MVB12B: variants seen among roughly 807,000 people sequenced by gnomAD.
The protein encoded by MVB12B is multivesicular body subunit 12B, also known as ESCRT-I complex subunit MVB12B.
A neutral mutation model predicts 41.6 loss-of-function variants in MVB12B; 16 were observed. That is an observed-to-expected ratio of 0.38 (90% CI 0.26 to 0.58). The LOEUF (loss-of-function observed/expected upper bound fraction) is 0.58. Ranked by LOEUF, MVB12B falls within the 20% of genes least tolerant of loss-of-function variation. The probability of loss-of-function intolerance (pLI) is 0.62; values close to 1 mark genes in which losing one functional copy is unlikely to be tolerated. For missense variants in MVB12B, 274 were observed against 380.2 expected (o/e 0.72, Z 2.32); for synonymous variants, 133 against 139.7 (o/e 0.95, Z 0.34).
At chr9:126,460,379 C>CAT (rs1296466603) in intron 7 of MVB12B, among the ~76,000 whole-genome samples, 1 of 152,218 alleles carries the variant, frequency 6.6e-6, no homozygotes, top group Non-Finnish European at 1.5e-5. Context: ...GATCTTCCCA[C>CAT]ATTCTTTGAT....
Position 126,392,147 on chromosome 9 carries a change from G to A in MVB12B, c.491G>A (p.Arg164Gln), listed in dbSNP as rs9696000. The change falls in exon 5 of 10, where the codon CGG (arginine) becomes CAG (glutamine). Residue 164 changes from arginine (R) to glutamine (Q), a missense_variant. Physicochemically the swap from Arg to Gln is conservative, Grantham distance 43. Transcript: ENST00000361171. This position sits in a 1 kb window ranked among gnomAD's most constrained non-coding sequence, Gnocchi z 4.8. ...DSTEAAICDI[R>Q]IMGRTKQAPP... ...ACGGAAGCTGCGATTTGTGACATTC[G>A]GATCATGGGCCGGACCAAGCAGGCC... 1.4e-4 allele frequency: 228 copies of A among 1,614,046 alleles called. No homozygotes were observed. Among genetic ancestry groups the A allele is most frequent in the Non-Finnish European group, 1.7e-4 (200 of 1,180,034 alleles).
In MVB12B at chr9:126,380,153, A is replaced by G. The variant is rs150721142; in HGVS notation, c.205-911A>G. The stretch of plus-strand genomic sequence containing the variant: ...GTGTGCAAGGTTGATTCATGCTCTC[A>G]GAGGGAGGCTGAGTCAGAAAACAGA... On this transcript the variant is annotated intron_variant, in intron 2 of 9. Coordinates refer to ENST00000361171, the MANE Select transcript of MVB12B (RefSeq NM_033446.3). 3.3e-3 allele frequency among the ~76,000 whole-genome samples: 500 copies of G among 152,266 alleles called. 3 individuals are homozygous for G. The highest frequency in any genetic ancestry group is 0.011 in the African/African-American group (467 of 41,558).
At chr9:126,453,372 A>T (rs975474204) in intron 7 of MVB12B, among the ~76,000 whole-genome samples, 8 of 152,166 alleles carry the variant, frequency 5.3e-5, no homozygotes, top group African/African-American at 1.9e-4. Context: ...GGAGCAGACC[A>T]GGGCCTGGCT....
intron 9 of MVB12B, among the ~76,000 whole-genome samples, chr9:126,489,876 G>A (rs942354653): frequency 8.5e-5 from 13 of 152,166 alleles, no homozygotes; most frequent in African/African-American, 2.7e-4. Context: ...TGGCAGCCTC[G>A]TGGCCACCGT....
intron 6 of MVB12B, among the ~76,000 whole-genome samples, chr9:126,399,279 ACTT>A (rs1262899333): frequency 3.3e-5 from 5 of 152,156 alleles, no homozygotes; most frequent in Non-Finnish European, 5.9e-5. Flanking sequence ...AAGGGCAGCC[ACTT>A]CTTCTGGGAC....
intron 4 of MVB12B, among the ~76,000 whole-genome samples, chr9:126,387,292 T>G (rs994768454): frequency 6.6e-6 from 1 of 152,212 alleles, no homozygotes; most frequent in Non-Finnish European, 1.5e-5. Flanking sequence ...CTTCCTTGTT[T>G]TGGTGTAATT....
At position 126,503,533 on chromosome 9, in the gene MVB12B, C is replaced by T. The variant is rs1834007165; in HGVS notation, c.*270C>T. 4.0e-6 allele frequency: 2 copies of T among 505,592 alleles called. No individual in the cohort carries two copies. Among genetic ancestry groups the T allele is most frequent in the South Asian group, 5.6e-5 (2 of 35,654 alleles). 31.3% of individuals were successfully genotyped at this position (505,592 alleles called of 1,614,324 possible). On this transcript the variant is annotated 3_prime_UTR_variant, in exon 10 of 10. Transcript: ENST00000361171. ...GGCTCCTAACGTGTCTGTGTGATGA[C>T]CAGTTGTCCTCCAAAAACCTCACTC...
At position 126,381,142 on chromosome 9, in the gene MVB12B, T is replaced by G; in HGVS notation, c.283T>G (p.Cys95Gly). The change falls in exon 3 of 10, where the codon TGT becomes GGT. Residue 95 changes from cysteine to glycine, a missense_variant. Physicochemically the swap from Cys to Gly is radical, Grantham distance 159. Coordinates refer to ENST00000361171, the MANE Select transcript of MVB12B (RefSeq NM_033446.3). Reference protein sequence around the residue: ...LFKSKVTRYLCFTRSFSKENS... With the variant: ...LFKSKVTRYLGFTRSFSKENS... ...TAAATCCAAGGTTACCAGATACCTG[T>G]GTTTCACAAGATCATTTTCCAAAGA... The G allele has an allele frequency of 6.2e-7, 1 of 1,614,028 alleles. No homozygotes were observed. The highest frequency in any genetic ancestry group is 8.5e-7 in the Non-Finnish European group (1 of 1,179,882).
chr9:126,436,834 CACA>C lies in MVB12B; in HGVS notation c.757+14890_757+14892del, dbSNP rs1243335969. Among the ~76,000 whole-genome samples, 3 of 152,312 alleles carry C rather than the reference CACA, an allele frequency of 2.0e-5. No individual in the cohort carries two copies. The highest frequency in any genetic ancestry group is 6.5e-5 in the Admixed American group (1 of 15,306). ...GTCAATTTTTTAAAAGCGAATTGCT[CACA>C]ACATTTGCTTTCTTTAATTTTTTCC... On this transcript the variant is annotated intron_variant, in intron 7 of 9. Coordinates refer to ENST00000361171, the MANE Select transcript of MVB12B (RefSeq NM_033446.3). The surrounding 1 kb of genome is among the most constrained non-coding windows in gnomAD (Gnocchi z 4.1).
intron 7 of MVB12B, among the ~76,000 whole-genome samples, chr9:126,435,065 C>T (rs1311822097): frequency 6.6e-6 from 1 of 151,676 alleles, no homozygotes; most frequent in Non-Finnish European, 1.5e-5. Flanking sequence ...GTTTATATAA[C>T]ATTGCAGTCT....
intron 2 of MVB12B, among the ~76,000 whole-genome samples, chr9:126,359,013 A>G (rs1050626430): frequency 3.3e-5 from 5 of 151,832 alleles, no homozygotes; most frequent in African/African-American, 1.2e-4. Context: ...CACATGCTTT[A>G]TCTGCTTTTA....
intron 9 of MVB12B, 133 bp from the exon 10 acceptor site, chr9:126,503,044 G>A: frequency 2.5e-6 from 2 of 801,232 alleles, no homozygotes; most frequent in East Asian, 2.7e-5. Flanking sequence ...CACCGGCCTG[G>A]CCAGCTGCGC....
intron 2 of MVB12B, among the ~76,000 whole-genome samples, chr9:126,350,343 G>A (rs532938171): frequency 6.6e-6 from 1 of 152,252 alleles, no homozygotes; most frequent in African/African-American, 2.4e-5. Flanking sequence ...TTTTGATGAA[G>A]TCCAATTTAT....
rs139581694 is a variant in MVB12B at position 126,480,213 on chromosome 9, G to A, written c.758-1156G>A. On this transcript the variant is annotated intron_variant, in intron 7 of 9. Coordinates refer to ENST00000361171, the MANE Select transcript of MVB12B (RefSeq NM_033446.3). The surrounding 1 kb of genome is among the most constrained non-coding windows in gnomAD (Gnocchi z 4.9). Reference sequence around the variant, plus strand: ...GCCACCCCTGACTTCGGGGCTCCGCGTCCCTGCACTCATGACCAGGCCCCT... The same window carrying A: ...GCCACCCCTGACTTCGGGGCTCCGCATCCCTGCACTCATGACCAGGCCCCT... Among the ~76,000 whole-genome samples, 5 of 152,290 alleles carry A rather than the reference G, an allele frequency of 3.3e-5. No individual in the cohort carries two copies. Among genetic ancestry groups the A allele is most frequent in the South Asian group, 2.1e-4 (1 of 4,826 alleles).
chr9:126,327,120 C>T, intron 1 of MVB12B, 110 bp downstream of exon 1: 1 of 343,266 alleles, frequency 2.9e-6, no homozygotes, highest in Non-Finnish European at 4.1e-6. Context: ...ACGGGAGGAG[C>T]CGGGCCGCGC....
Position 126,459,004 on chromosome 9 carries a change from G to A in MVB12B, c.758-22365G>A, listed in dbSNP as rs954641652. On this transcript the variant is annotated intron_variant, in intron 7 of 9. Transcript: ENST00000361171. The surrounding 1 kb of genome is among the most constrained non-coding windows in gnomAD (Gnocchi z 4.3). ...AAAGTCAATACCTTAAAAACCCTGA[G>A]TGCTGAGAAAACTCACTAAGCCTAT... 5.3e-5 allele frequency among the ~76,000 whole-genome samples: 8 copies of A among 152,192 alleles called. No individual in the cohort carries two copies. The highest frequency in any genetic ancestry group is 1.9e-4 in the African/African-American group (8 of 41,448).
intron 7 of MVB12B, among the ~76,000 whole-genome samples, chr9:126,422,661 A>G (rs2119093345): frequency 6.6e-6 from 1 of 152,308 alleles, no homozygotes; most frequent in South Asian, 2.1e-4. Flanking sequence ...AATCAGTGCC[A>G]CTTACCAGCA....
At position 126,505,627 on chromosome 9, in the gene MVB12B, G is replaced by A. The variant is rs1408830674; in HGVS notation, c.*2364G>A. 6.6e-6 allele frequency: 1 copy of A among 152,150 alleles called. No individual in the cohort carries two copies. The highest frequency in any genetic ancestry group is 2.4e-5 in the African/African-American group (1 of 41,340). 9.4% of individuals were successfully genotyped at this position (152,150 alleles called of 1,614,324 possible). A position where few individuals can be genotyped will look rare whatever the true frequency, so the allele number is the denominator to read the frequency against. On this transcript the variant is annotated 3_prime_UTR_variant, in exon 10 of 10. Transcript: ENST00000361171. ...CCTAACCCACCATTTATTGCCTTCT[G>A]AGAGGTGGGTGAGGACAAGCATGTG...
intron 7 of MVB12B, among the ~76,000 whole-genome samples, 174 bp downstream of exon 7, chr9:126,422,122 G>A (rs1832039513): frequency 6.6e-6 from 1 of 152,114 alleles, no homozygotes; most frequent in Non-Finnish European, 1.5e-5. Context: ...TGTCGCCACA[G>A]CACTTAGAGA....
Sources: allele counts gnomAD v4.1 joint callset (sites outside exome capture counted in the v4.1 genomes callset), GRCh38; gene constraint gnomAD v4.1.1; non-coding constraint Gnocchi (gnomAD v3.1); transcripts MANE v1.5; gene names NCBI Gene and HGNC (gene_info 2026-07-23, HGNC 2026-07-21).